Variants in ATP8A2 observed in about 807,000 individuals in gnomAD.
ATP8A2 encodes the protein ATPase phospholipid transporting 8A2.
Under a neutral mutation model 165.6 loss-of-function variants are expected in ATP8A2, and 100 were observed. The ratio of observed to expected loss-of-function variants is 0.60; its 90% confidence interval spans 0.51 to 0.71. ATP8A2 has a LOEUF of 0.71. Among genes scored for constraint, ATP8A2 ranks in the 30% least tolerant of loss-of-function variants. ATP8A2 has a pLI of 0.00. For missense variants in ATP8A2, 1,227 were observed against 1,479.5 expected (o/e 0.83, Z 2.80); for synonymous variants, 543 against 548.8 (o/e 0.99, Z 0.15).
intron 24 of ATP8A2, among the ~76,000 whole-genome samples, chr13:25,612,548 G>A (rs2040714942): frequency 6.6e-6 from 1 of 152,058 alleles, no homozygotes; most frequent in South Asian, 2.1e-4. Context: ...TTGTTTTGTG[G>A]CCTATCATAT....
chr13:25,433,337 A>T (rs1186448799), intron 1 of ATP8A2, among the ~76,000 whole-genome samples: 1 of 151,978 alleles, frequency 6.6e-6, no homozygotes, highest in East Asian at 1.9e-4. Flanking sequence ...CAGTGGTGTG[A>T]TCATAGCTCA....
rs1420534867 is a variant in ATP8A2, at chr13:25,639,571, C to T, written c.2211+49872C>T. Among the ~76,000 whole-genome samples the T allele has an allele frequency of 2.0e-5, 3 of 152,296 alleles. No homozygotes were observed. The East Asian group carries it at 5.8e-4, about 29-fold the overall frequency. On this transcript the variant is annotated intron_variant, in intron 24 of 36. Transcript: ENST00000381655. ...GAGCTAACTATCCTAAATATATATG[C>T]ACCCAATACAGGAGCACCCAGATTC...
intron 27 of ATP8A2, among the ~76,000 whole-genome samples, chr13:25,819,858 AT>A (rs1474474232): frequency 6.6e-6 from 1 of 152,232 alleles, no homozygotes. Flanking sequence ...GCATTTTGAC[AT>A]TTAAACAGAT....
At chr13:25,604,818 A>T (rs923343044) in intron 24 of ATP8A2, among the ~76,000 whole-genome samples, 32 of 152,194 alleles carry the variant, frequency 2.1e-4, no homozygotes, top group African/African-American at 7.7e-4. Context: ...TTTTTGATAG[A>T]TAGTCCATGT....
chr13:25,541,840 A>T, intron 8 of ATP8A2, 79 bp from the exon 9 acceptor site: 2 of 1,485,652 alleles, frequency 1.3e-6, no homozygotes, highest in Admixed American at 1.9e-5. Context: ...TTTCCTTTTG[A>T]TTAACCATAG....
At chr13:25,589,738 C>A (rs1359814103) in intron 24 of ATP8A2, 39 bp downstream of exon 24, 2 of 1,256,400 alleles carry the variant, frequency 1.6e-6, no homozygotes, top group Non-Finnish European at 2.3e-6. Context: ...TTTGCTATAA[C>A]AGTATTAAAC....
At chr13:25,951,200 T>G (rs1008476060) in intron 33 of ATP8A2, among the ~76,000 whole-genome samples, 1 of 152,204 alleles carries the variant, frequency 6.6e-6, no homozygotes, top group African/African-American at 2.4e-5. Flanking sequence ...AATAGCAGCC[T>G]TATTCTTAAT....
At chr13:25,962,041 A>G (rs1011196189) in intron 34 of ATP8A2, among the ~76,000 whole-genome samples, 3 of 152,184 alleles carry the variant, frequency 2.0e-5, no homozygotes, top group Non-Finnish European at 4.4e-5. Context: ...AAAAGAAACA[A>G]AAAGAAAAGA....
intron 35 of ATP8A2, among the ~76,000 whole-genome samples, chr13:25,992,751 A>G (rs1331675209): frequency 2.0e-5 from 3 of 151,508 alleles, no homozygotes; most frequent in South Asian, 2.1e-4. Flanking sequence ...GGTTAGTTAC[A>G]TATGTATACA....
At chr13:25,829,668 G>GTATATATATATATATATA (rs71080203) in intron 28 of ATP8A2, among the ~76,000 whole-genome samples, 4 of 63,418 alleles carry the variant, frequency 6.3e-5, no homozygotes, top group East Asian at 4.3e-4. Context: ...GACAGGTGTG[G>GTATATATATATATATATA]TATATATATA....
chr13:25,760,053 C>T (rs777571737), intron 25 of ATP8A2, among the ~76,000 whole-genome samples: 23 of 152,262 alleles, frequency 1.5e-4, no homozygotes, highest in Middle Eastern at 3.4e-3. Flanking sequence ...TGGAGTAAAC[C>T]GATCTTGAGC....
Position 25,904,757 on chromosome 13 carries a change from TCC to T in ATP8A2, c.3183+42350_3183+42351del, listed in dbSNP as rs1953879574. ...TAACACATTGTGTGTCATATCCATA[TCC>T]TACACCATTGGAGTTCCTCATTCTC... On this transcript the variant is annotated intron_variant, in intron 33 of 36. Coordinates refer to ENST00000381655, the MANE Select transcript of ATP8A2 (RefSeq NM_016529.6). Among the ~76,000 whole-genome samples, 8 of 152,334 alleles carry T rather than the reference TCC, an allele frequency of 5.3e-5. No individual in the cohort carries two copies. The South Asian group carries it at 1.5e-3, about 28-fold the overall frequency.
At chr13:25,483,669 G>A (rs952437729) in intron 2 of ATP8A2, among the ~76,000 whole-genome samples, 1 of 152,206 alleles carries the variant, frequency 6.6e-6, no homozygotes, top group Non-Finnish European at 1.5e-5. Context: ...GGGAGGCCAA[G>A]GCAGGAAGAT....
intron 23 of ATP8A2, among the ~76,000 whole-genome samples, chr13:25,584,365 A>G (rs2039861362): frequency 6.6e-6 from 1 of 152,118 alleles, no homozygotes. Flanking sequence ...TAGCCCTCAT[A>G]CCCCTGGTAG....
intron 27 of ATP8A2, among the ~76,000 whole-genome samples, chr13:25,821,724 A>AT (rs1444334734): frequency 1.3e-5 from 2 of 152,214 alleles, no homozygotes; most frequent in East Asian, 1.9e-4. Context: ...GGACTATATG[A>AT]TTTTTTGCTG....
At chr13:25,648,766 A>G (rs2041740417) in intron 24 of ATP8A2, among the ~76,000 whole-genome samples, 1 of 152,230 alleles carries the variant, frequency 6.6e-6, no homozygotes, top group Admixed American at 6.5e-5. Context: ...GTAATATGTA[A>G]TGCAATGAAA....
chr13:25,737,938 C>A (rs956438477), intron 25 of ATP8A2, among the ~76,000 whole-genome samples: 3 of 152,174 alleles, frequency 2.0e-5, no homozygotes, highest in Non-Finnish European at 4.4e-5. Flanking sequence ...CCCCTCTCGG[C>A]CTCCCAAAGT....
At chr13:25,776,343 T>A (rs2044741434) in intron 27 of ATP8A2, among the ~76,000 whole-genome samples, 1 of 152,210 alleles carries the variant, frequency 6.6e-6, no homozygotes, top group Non-Finnish European at 1.5e-5. Context: ...ATTTGAATCT[T>A]TTGTGGGAGG....
chr13:25,992,218 C>CT (rs560341350), intron 35 of ATP8A2, among the ~76,000 whole-genome samples: 2,218 of 120,508 alleles, frequency 0.018, 83 homozygotes, highest in East Asian at 0.18. Context: ...CAGTGCTGTC[C>CT]TTTTTTTTTT....
Sources: allele counts gnomAD v4.1 joint callset (sites outside exome capture counted in the v4.1 genomes callset), GRCh38; gene constraint gnomAD v4.1.1; transcripts MANE v1.5; gene names NCBI Gene and HGNC (gene_info 2026-07-23, HGNC 2026-07-21).